CENPP: variants seen among roughly 807,000 people sequenced by gnomAD.
The protein encoded by CENPP is centromere protein P.
Under a neutral mutation model 35.6 loss-of-function variants are expected in CENPP, and 24 were observed. That is an observed-to-expected ratio of 0.67 (90% CI 0.49 to 0.95). The LOEUF (loss-of-function observed/expected upper bound fraction) is 0.95. Among genes scored for constraint, CENPP ranks in the 40% least tolerant of loss-of-function variants. The pLI, the probability that CENPP is intolerant of heterozygous loss-of-function variation, is 0.00. For synonymous variants in CENPP, 120 were observed against 125.5 expected (o/e 0.96, Z 0.29); for missense variants, 332 against 345.3 (o/e 0.96, Z 0.31).
intron 5 of CENPP, among the ~76,000 whole-genome samples, chr9:92,456,023 A>G (rs879552582): frequency 6.6e-6 from 1 of 152,176 alleles, no homozygotes; most frequent in Admixed American, 6.5e-5. Flanking sequence ...GTGAGCCAAG[A>G]TCAGGCCACT....
At chr9:92,612,909 A>G in intron 7 of CENPP, 110 bp from the exon 8 acceptor site, 1 of 1,285,516 alleles carries the variant, frequency 7.8e-7, no homozygotes, top group Middle Eastern at 2.6e-4. Context: ...CATCCCATGC[A>G]GCTAGTCGGG....
At chr9:92,598,631 G>A (rs1055875861) in intron 5 of CENPP, among the ~76,000 whole-genome samples, 6 of 152,006 alleles carry the variant, frequency 3.9e-5, no homozygotes, top group South Asian at 2.1e-4. Flanking sequence ...TGGCCAGCTC[G>A]GAACACACTG....
At chr9:92,521,661 G>A (rs943111927) in intron 5 of CENPP, among the ~76,000 whole-genome samples, 4 of 151,994 alleles carry the variant, frequency 2.6e-5, no homozygotes, top group Admixed American at 6.6e-5. Context: ...CATTTAATAC[G>A]TTTTTAAAAA....
chr9:92,407,729 T>C (rs1019674215), intron 5 of CENPP, among the ~76,000 whole-genome samples: 1 of 152,006 alleles, frequency 6.6e-6, no homozygotes, highest in Non-Finnish European at 1.5e-5. Context: ...ACTTCAACCT[T>C]CTGAGTAGCT....
chr9:92,407,851 G>T (rs1474763020), intron 5 of CENPP, among the ~76,000 whole-genome samples: 2 of 152,160 alleles, frequency 1.3e-5, no homozygotes, highest in African/African-American at 4.8e-5. Context: ...GACCTAAAGT[G>T]ATCCACCTTG....
At chr9:92,475,290 A>G (rs1845676006) in intron 5 of CENPP, among the ~76,000 whole-genome samples, 1 of 152,170 alleles carries the variant, frequency 6.6e-6, no homozygotes, top group Admixed American at 6.5e-5. Context: ...GGAACCCACA[A>G]AATGCTTGCA....
chr9:92,606,916 T>C (rs981780572), intron 5 of CENPP, among the ~76,000 whole-genome samples: 9 of 152,092 alleles, frequency 5.9e-5, no homozygotes, highest in African/African-American at 1.9e-4. Flanking sequence ...TGAGCCAAGA[T>C]TGCACCACTG....
chr9:92,493,967 GC>G lies in CENPP; in HGVS notation c.564+114110del, dbSNP rs1258669533. ...CTGTTAATCCAGGCCGTTGAGGGTG[GC>G]CGTAGTCTCCTGGCGGCCCTCAGGC... is the stretch of plus-strand genomic sequence containing the variant. On this transcript the variant is annotated intron_variant, in intron 5 of 7. Coordinates refer to ENST00000375587, the MANE Select transcript of CENPP (RefSeq NM_001012267.3). 7.7e-6 allele frequency: 7 copies of G among 904,422 alleles called. No individual in the cohort carries two copies. In the Admixed American group the frequency reaches 1.4e-4, roughly 18 times the overall value. 56.0% of individuals were successfully genotyped at this position (904,422 alleles called of 1,614,324 possible).
intron 1 of CENPP, among the ~76,000 whole-genome samples, chr9:92,329,403 C>T (rs974260052): frequency 2.0e-5 from 3 of 152,134 alleles, no homozygotes; most frequent in South Asian, 2.1e-4. Flanking sequence ...GCAGTCTGGT[C>T]TCGAACTCTT....
chr9:92,355,070 C>T (rs1841554611), intron 4 of CENPP, among the ~76,000 whole-genome samples: 1 of 152,178 alleles, frequency 6.6e-6, no homozygotes, highest in Non-Finnish European at 1.5e-5. Flanking sequence ...GGTCCATGTT[C>T]AGCGGTGCAC....
intron 5 of CENPP, chr9:92,415,523 C>T (rs1843566386): frequency 1.8e-6 from 2 of 1,095,318 alleles, no homozygotes; most frequent in South Asian, 3.6e-5. Context: ...TAGTATAATC[C>T]ATAGTTATAG....
At chr9:92,392,634 GAAAAA>G (rs148375786) in intron 5 of CENPP, among the ~76,000 whole-genome samples, 2 of 143,510 alleles carry the variant, frequency 1.4e-5, no homozygotes, top group South Asian at 4.4e-4. Flanking sequence ...GGAGGGGGGA[GAAAAA>G]AAAAACACTT....
intron 5 of CENPP, among the ~76,000 whole-genome samples, chr9:92,462,779 T>G (rs1204018233): frequency 6.6e-6 from 1 of 152,216 alleles, no homozygotes; most frequent in Non-Finnish European, 1.5e-5. Context: ...ATGGAATGAT[T>G]ATGTGGACCC....
chr9:92,507,857 C>T (rs1046027497), intron 5 of CENPP, among the ~76,000 whole-genome samples: 12 of 152,342 alleles, frequency 7.9e-5, no homozygotes, highest in Admixed American at 7.8e-4. Context: ...GCTCCTCCTG[C>T]AGGTAAATTC....
rs183361427 is a variant in CENPP, at chr9:92,361,721, A to T, written c.467+15934A>T. Among the ~76,000 whole-genome samples the T allele has an allele frequency of 3.3e-5, 5 of 151,970 alleles. No homozygotes were observed. The East Asian group carries it at 9.7e-4, about 29-fold the overall frequency. On this transcript the variant is annotated intron_variant, in intron 4 of 7. Coordinates refer to ENST00000375587, the MANE Select transcript of CENPP (RefSeq NM_001012267.3). ...GGTCTCGAACTCCTGACCTCAAGTG[A>T]TCCGCCCACCTTGGTCTCCCAAAGT... is the stretch of plus-strand genomic sequence containing the variant.
In CENPP at chr9:92,502,735, G is replaced by A. The variant is rs1846759033; in HGVS notation, c.565-108579G>A. 3 of 1,123,684 alleles carry A rather than the reference G, an allele frequency of 2.7e-6. No individual in the cohort carries two copies. The Admixed American group carries it at 8.3e-5, about 31-fold the overall frequency. The allele number at this position is 1,123,684 out of a possible 1,614,324, so 69.6% of individuals were successfully genotyped here. On this transcript the variant is annotated intron_variant, in intron 5 of 7. Coordinates refer to ENST00000375587, the MANE Select transcript of CENPP (RefSeq NM_001012267.3). The stretch of plus-strand genomic sequence containing the variant: ...TCATGGAGACTAAAATAGTGACATA[G>A]ACTATTATCATTAGTATTATCTAAA...
At chr9:92,457,141 T>A in intron 5 of CENPP, 2 of 1,407,670 alleles carry the variant, frequency 1.4e-6, no homozygotes, top group East Asian at 5.2e-5. Context: ...TTGAAATTTC[T>A]TGTCATAAAA....
chr9:92,585,015 C>A (rs953996517), intron 5 of CENPP, among the ~76,000 whole-genome samples: 2 of 152,180 alleles, frequency 1.3e-5, no homozygotes, highest in Admixed American at 6.5e-5. Context: ...CAAATATATA[C>A]ACCTAACTGT....
intron 5 of CENPP, among the ~76,000 whole-genome samples, chr9:92,409,850 C>T (rs958963504): frequency 3.9e-5 from 6 of 152,154 alleles, no homozygotes; most frequent in African/African-American, 1.4e-4. Context: ...ACTGTGCAGT[C>T]TTGATGTACT....
Sources: gnomAD v4.1 joint callset for allele counts (sites outside exome capture counted in the v4.1 genomes callset) on GRCh38, gnomAD v4.1.1 for gene constraint, MANE v1.5 for transcripts, NCBI Gene and HGNC (gene_info 2026-07-23, HGNC 2026-07-21) for gene names.